The following TRAPPC9 variants were observed in gnomAD, a reference collection of about 807,000 sequenced individuals.
The protein encoded by TRAPPC9 is trafficking protein particle complex subunit 9.
A neutral mutation model predicts 124.0 loss-of-function variants in TRAPPC9; 83 were observed. The ratio of observed to expected loss-of-function variants is 0.67; its 90% CI spans 0.56 to 0.80. The LOEUF is 0.80. Among genes scored for constraint, TRAPPC9 ranks in the 30% least tolerant of loss-of-function variants. The probability of loss-of-function intolerance (pLI) is 0.00; values close to 1 mark genes in which losing one functional copy is unlikely to be tolerated. For synonymous variants in TRAPPC9, 638 were observed against 617.5 expected (o/e 1.03, Z -0.49); for missense variants, 1,302 against 1,508.3 (o/e 0.86, Z 2.27).
chr8:140,126,256 G>A (rs1371182475), intron 17 of TRAPPC9, among the ~76,000 whole-genome samples: 3 of 152,104 alleles, frequency 2.0e-5, no homozygotes, highest in Non-Finnish European at 4.4e-5. Context: ...TGGCCAGGGA[G>A]GGAGAGGACC....
chr8:140,147,446 A>C (rs2061479787), intron 17 of TRAPPC9, among the ~76,000 whole-genome samples: 1 of 152,232 alleles, frequency 6.6e-6, no homozygotes, highest in Non-Finnish European at 1.5e-5. Context: ...CCCGGCATGA[A>C]GACTCAGGTG....
At chr8:139,994,784 G>T (rs1837860984) in intron 18 of TRAPPC9, among the ~76,000 whole-genome samples, 1 of 152,124 alleles carries the variant, frequency 6.6e-6, no homozygotes, top group African/African-American at 2.4e-5. Flanking sequence ...GGTCTTGGAG[G>T]ACAGCTTTCC....
chr8:140,263,828 G>A (rs1355328316), intron 15 of TRAPPC9, among the ~76,000 whole-genome samples: 1 of 152,158 alleles, frequency 6.6e-6, no homozygotes, highest in Non-Finnish European at 1.5e-5. Flanking sequence ...GCCTGACCTA[G>A]AGGCTTCCGA....
chr8:140,115,385 G>T (rs557116020), intron 17 of TRAPPC9, among the ~76,000 whole-genome samples: 2 of 151,646 alleles, frequency 1.3e-5, no homozygotes, highest in African/African-American at 4.8e-5. Context: ...CTCTGCCTCA[G>T]CCTCCAGAGG....
At chr8:140,394,279 G>C (rs1323903737) in intron 7 of TRAPPC9, among the ~76,000 whole-genome samples, 2 of 152,110 alleles carry the variant, frequency 1.3e-5, no homozygotes, top group African/African-American at 2.4e-5. Flanking sequence ...CTTTCGGAGG[G>C]TCCGTTTAAA....
intron 19 of TRAPPC9, among the ~76,000 whole-genome samples, chr8:139,937,680 G>T (rs1833621122): frequency 6.6e-6 from 1 of 152,202 alleles, no homozygotes; most frequent in South Asian, 2.1e-4. Flanking sequence ...TTCTGGAAGT[G>T]CTCCTGGCAG....
chr8:140,248,221 T>C (rs2064033328), intron 16 of TRAPPC9, among the ~76,000 whole-genome samples: 1 of 152,258 alleles, frequency 6.6e-6, no homozygotes, highest in South Asian at 2.1e-4. Flanking sequence ...CTAGACCACT[T>C]AACTCTGTTC....
intron 17 of TRAPPC9, among the ~76,000 whole-genome samples, chr8:140,190,580 C>T (rs1587888690): frequency 6.6e-6 from 1 of 152,176 alleles, no homozygotes; most frequent in Non-Finnish European, 1.5e-5. Flanking sequence ...CAGGTACACC[C>T]AGAGGCAGAG....
intron 17 of TRAPPC9, among the ~76,000 whole-genome samples, chr8:140,190,066 G>A (rs2062451057): frequency 6.6e-6 from 1 of 152,216 alleles, no homozygotes. Context: ...AAGCTAACAA[G>A]CGCCTGTTGA....
At chr8:139,919,785 G>A (rs904269091) in intron 19 of TRAPPC9, among the ~76,000 whole-genome samples, 2 of 152,204 alleles carry the variant, frequency 1.3e-5, no homozygotes, top group Admixed American at 1.3e-4. Flanking sequence ...GTGTGGCCCA[G>A]AGCAGGTGCG....
intron 16 of TRAPPC9, chr8:140,238,504 C>T (rs1273120165): frequency 1.3e-5 from 2 of 152,238 alleles, no homozygotes; most frequent in Non-Finnish European, 2.9e-5. Flanking sequence ...GAAATTACTG[C>T]CTATGAGTCA....
intron 2 of TRAPPC9, among the ~76,000 whole-genome samples, chr8:140,444,685 A>AACC (rs2071174141): frequency 6.7e-6 from 1 of 150,334 alleles, no homozygotes; most frequent in Non-Finnish European, 1.5e-5. Flanking sequence ...ACATGGTGAG[A>AACC]CCCCCCCCAT....
rs545144469 is a variant in TRAPPC9 at position 140,279,702 on chromosome 8, C to T, written c.2115-3881G>A. On this transcript the variant is annotated intron_variant, in intron 14 of 22. Coordinates refer to ENST00000438773, the MANE Select transcript of TRAPPC9 (RefSeq NM_001160372.4). ...TGCACGCACCCCCGTCACAGTGCAT[C>T]CGCAGGACAATAAAAATGGGGGGTC... 2.0e-5 allele frequency among the ~76,000 whole-genome samples: 3 copies of T among 152,156 alleles called. No individual in the cohort carries two copies. In the South Asian group the frequency reaches 6.2e-4, roughly 32 times the overall value.
intron 11 of TRAPPC9, among the ~76,000 whole-genome samples, chr8:140,296,169 G>T (rs1002050430): frequency 6.6e-6 from 1 of 152,198 alleles, no homozygotes; most frequent in Non-Finnish European, 1.5e-5. Flanking sequence ...GGCAGCATCA[G>T]CATCAAATAG....
At chr8:140,348,231 C>G (rs1014054527) in intron 9 of TRAPPC9, among the ~76,000 whole-genome samples, 1 of 152,170 alleles carries the variant, frequency 6.6e-6, no homozygotes, top group Non-Finnish European at 1.5e-5. Context: ...TGGCAGGACA[C>G]CATCTGCCCC....
At chr8:139,821,694 T>A (rs1825263719) in intron 21 of TRAPPC9, among the ~76,000 whole-genome samples, 1 of 152,202 alleles carries the variant, frequency 6.6e-6, no homozygotes, top group Admixed American at 6.5e-5. Context: ...AAAAATGTAA[T>A]CAATGTTTTT....
At chr8:139,940,598 T>C (rs866817809) in intron 19 of TRAPPC9, among the ~76,000 whole-genome samples, 1 of 152,056 alleles carries the variant, frequency 6.6e-6, no homozygotes, top group Non-Finnish European at 1.5e-5. Flanking sequence ...GGCTCAAAGG[T>C]GCAGAGGGGC....
chr8:140,021,621 A>G (rs914666982), intron 18 of TRAPPC9, among the ~76,000 whole-genome samples: 1 of 152,184 alleles, frequency 6.6e-6, no homozygotes, highest in Non-Finnish European at 1.5e-5. Context: ...AGGGTAGTAA[A>G]AAACAGGAAT....
intron 5 of TRAPPC9, among the ~76,000 whole-genome samples, chr8:140,411,867 A>G (rs2069718098): frequency 6.6e-6 from 1 of 151,486 alleles, no homozygotes; most frequent in Non-Finnish European, 1.5e-5. Flanking sequence ...AGGAGAAAAG[A>G]AAAAAAAAGC....
Sources: allele counts gnomAD v4.1 joint callset (sites outside exome capture counted in the v4.1 genomes callset), GRCh38; gene constraint gnomAD v4.1.1; transcripts MANE v1.5; gene names NCBI Gene and HGNC (gene_info 2026-07-23, HGNC 2026-07-21).